FBXL7: variants seen among roughly 807,000 people sequenced by gnomAD.
The protein encoded by FBXL7 is F-box/LRR-repeat protein 7.
In FBXL7, 12 loss-of-function variants were observed where a neutral mutation model predicts 38.3. The ratio of observed to expected loss-of-function variants is 0.31; its 90% CI spans 0.20 to 0.51. The LOEUF (loss-of-function observed/expected upper bound fraction) is 0.51. FBXL7 is among the 20% of genes least tolerant of loss of function. The probability of loss-of-function intolerance (pLI) is 0.98; values close to 1 mark genes in which losing one functional copy is unlikely to be tolerated. For missense variants in FBXL7, 567 were observed against 676.4 expected (o/e 0.84, Z 1.79); for synonymous variants, 297 against 300.9 (o/e 0.99, Z 0.13).
chr5:15,783,809 A>G (rs1202893345), intron 2 of FBXL7, among the ~76,000 whole-genome samples: 1 of 152,326 alleles, frequency 6.6e-6, no homozygotes, highest in Middle Eastern at 3.4e-3. Context: ...AGCACCAGAA[A>G]GCATAATGGG....
intron 2 of FBXL7, among the ~76,000 whole-genome samples, chr5:15,697,302 T>C (rs950991095): frequency 6.6e-6 from 1 of 152,076 alleles, no homozygotes; most frequent in Admixed American, 6.6e-5. Context: ...GTCTAGAAAG[T>C]CTAAAAGCAC....
intron 2 of FBXL7, among the ~76,000 whole-genome samples, chr5:15,667,607 T>A (rs1304081388): frequency 6.6e-6 from 1 of 152,188 alleles, no homozygotes; most frequent in African/African-American, 2.4e-5. Context: ...TTTGGCATTA[T>A]CTGTTTTTGG....
intron 1 of FBXL7, among the ~76,000 whole-genome samples, chr5:15,531,034 A>C (rs142130312): frequency 6.6e-6 from 1 of 152,252 alleles, no homozygotes; most frequent in South Asian, 2.1e-4. Context: ...CCGTAGATCT[A>C]TAGAACATAC....
intron 2 of FBXL7, among the ~76,000 whole-genome samples, chr5:15,618,362 T>C (rs992467087): frequency 4.6e-5 from 7 of 152,166 alleles, no homozygotes; most frequent in Admixed American, 2.0e-4. Context: ...CTGAAAAAAT[T>C]AAAAAAGAAA....
chr5:15,658,842 G>GC (rs2126581244), intron 2 of FBXL7, among the ~76,000 whole-genome samples: 1 of 152,226 alleles, frequency 6.6e-6, no homozygotes, highest in Non-Finnish European at 1.5e-5. Context: ...TAACTACCAG[G>GC]CCCAGGGCAC....
intron 1 of FBXL7, among the ~76,000 whole-genome samples, chr5:15,524,881 GA>G (rs199967917): frequency 0.017 from 2,515 of 152,320 alleles, 70 homozygotes; most frequent in African/African-American, 0.058. Context: ...CTGGCCGGTG[GA>G]AAGAGAAGAT....
At chr5:15,855,000 G>T (rs1029612109) in intron 2 of FBXL7, among the ~76,000 whole-genome samples, 2 of 152,040 alleles carry the variant, frequency 1.3e-5, no homozygotes, top group African/African-American at 4.8e-5. Context: ...TAAGACCAGG[G>T]TATTTCCTCA....
intron 1 of FBXL7, among the ~76,000 whole-genome samples, chr5:15,537,649 G>A (rs1737625050): frequency 6.6e-6 from 1 of 152,240 alleles, no homozygotes; most frequent in Admixed American, 6.5e-5. Context: ...AAGGGGGAGG[G>A]CTCATAGAAG....
chr5:15,789,052 G>T lies in FBXL7; in HGVS notation c.128-138838G>T, dbSNP rs140086325. Among the ~76,000 whole-genome samples the T allele has an allele frequency of 1.1e-4, 17 of 151,922 alleles. No individual in the cohort carries two copies. The East Asian group carries it at 2.5e-3, about 23-fold the overall frequency. ...TTTTTAATAGAGGCGGGATTTCACG[G>T]TGTTGGCCAGGGTTGTCTCTATCTC... is the stretch of plus-strand genomic sequence containing the variant. On this transcript the variant is annotated intron_variant, in intron 2 of 3. Transcript: ENST00000504595.
intron 2 of FBXL7, among the ~76,000 whole-genome samples, chr5:15,686,815 C>T (rs537249087): frequency 5.3e-5 from 8 of 152,264 alleles, no homozygotes; most frequent in African/African-American, 1.7e-4. Flanking sequence ...TTGTGACCTT[C>T]TTAAGTTTCA....
chr5:15,501,107 C>T (rs1736474481), intron 1 of FBXL7, among the ~76,000 whole-genome samples: 2 of 152,098 alleles, frequency 1.3e-5, no homozygotes, highest in Non-Finnish European at 2.9e-5. Flanking sequence ...GTGCTCCAGC[C>T]CCCTGGACTC....
At chr5:15,833,027 G>C (rs1179352566) in intron 2 of FBXL7, among the ~76,000 whole-genome samples, 1 of 152,072 alleles carries the variant, frequency 6.6e-6, no homozygotes, top group East Asian at 1.9e-4. Context: ...TCTCTTGTCT[G>C]CCCTCATATG....
chr5:15,937,332 C>A lies in FBXL7; in HGVS notation c.*146C>A. 1.9e-6 allele frequency: 2 copies of A among 1,040,018 alleles called. No individual in the cohort carries two copies. The highest frequency in any genetic ancestry group is 2.7e-6 in the Non-Finnish European group (2 of 743,798). 64.4% of individuals were successfully genotyped at this position (1,040,018 alleles called of 1,614,324 possible). A position where few individuals can be genotyped will look rare whatever the true frequency, so the allele number is the denominator to read the frequency against. On this transcript the variant is annotated 3_prime_UTR_variant, in exon 4 of 4. Transcript: ENST00000504595. ...TAGGAATCTGGCCTTTATTTTTCCT[C>A]ATTTCTCATGGGCAACAGAGGCCAA...
chr5:15,636,585 A>G (rs1028392051), intron 2 of FBXL7, among the ~76,000 whole-genome samples: 8 of 152,034 alleles, frequency 5.3e-5, no homozygotes, highest in Non-Finnish European at 1.0e-4. Flanking sequence ...GCAGGGAATC[A>G]TTTATAGTTT....
chr5:15,501,864 GTA>G lies in FBXL7; in HGVS notation c.37+1153_37+1154del, dbSNP rs933307112. 7 of 312,144 alleles carry G rather than the reference GTA, an allele frequency of 2.2e-5. No homozygotes were observed. In the East Asian group the frequency reaches 5.5e-4, roughly 24 times the overall value. 19.3% of individuals were successfully genotyped at this position (312,144 alleles called of 1,614,324 possible). A position where few individuals can be genotyped will look rare whatever the true frequency, so the allele number is the denominator to read the frequency against. On this transcript the variant is annotated intron_variant, in intron 1 of 3. Coordinates refer to ENST00000504595, the MANE Select transcript of FBXL7 (RefSeq NM_012304.5). ...TGTTTTGACTTCCATATGTGCATGT[GTA>G]TGTGTGTGTGTGTGTGTGTGTGTGT...
intron 1 of FBXL7, chr5:15,501,423 C>T: frequency 1.0e-6 from 1 of 985,532 alleles, no homozygotes; most frequent in African/African-American, 1.7e-5. Flanking sequence ...TCTCTCCTAC[C>T]TCCTCCCACT....
intron 1 of FBXL7, among the ~76,000 whole-genome samples, chr5:15,546,602 G>A (rs921644604): frequency 6.6e-6 from 1 of 151,450 alleles, no homozygotes; most frequent in Non-Finnish European, 1.5e-5. Flanking sequence ...GTGGTGGCAG[G>A]CACCTGTAAT....
rs377108908 is a variant in FBXL7 at position 15,678,181 on chromosome 5, T to G, written c.127+62109T>G. Among the ~76,000 whole-genome samples, 10 of 152,280 alleles carry G rather than the reference T, an allele frequency of 6.6e-5. No homozygotes were observed. In the South Asian group the frequency reaches 1.2e-3, roughly 19 times the overall value. On this transcript the variant is annotated intron_variant, in intron 2 of 3. Coordinates refer to ENST00000504595, the MANE Select transcript of FBXL7 (RefSeq NM_012304.5). ...CAAGTTCTAGTTAGTTTCTGCAATG[T>G]ATGTGAAACCTCCAAAGCAAACAGA...
intron 1 of FBXL7, among the ~76,000 whole-genome samples, chr5:15,613,716 G>C (rs562639398): frequency 6.6e-5 from 10 of 152,292 alleles, no homozygotes; most frequent in African/African-American, 2.2e-4. Context: ...AGTCTAAGGA[G>C]TTCTACTCTG....
Sources: gnomAD v4.1 joint callset for allele counts (sites outside exome capture counted in the v4.1 genomes callset) on GRCh38, gnomAD v4.1.1 for gene constraint, MANE v1.5 for transcripts, NCBI Gene and HGNC (gene_info 2026-07-23, HGNC 2026-07-21) for gene names.